The following EFR3B variants were observed in gnomAD, a reference collection of about 807,000 sequenced individuals.
EFR3B encodes the protein EFR3 homolog B.
EFR3B carries 64 observed loss-of-function variants against 104.7 expected under a neutral mutation model. That is an observed-to-expected ratio of 0.61 (90% CI 0.50 to 0.75). EFR3B has a LOEUF of 0.75. Ranked by LOEUF, EFR3B falls within the 30% of genes least tolerant of loss-of-function variation. EFR3B has a pLI of 0.00. For missense variants in EFR3B, 750 were observed against 1,078.5 expected (o/e 0.70, Z 4.27); for synonymous variants, 385 against 417.9 (o/e 0.92, Z 0.96).
At chr2:25,141,531 A>C in intron 17 of EFR3B, 98 bp downstream of exon 17, 2 of 1,325,798 alleles carry the variant, frequency 1.5e-6, no homozygotes, top group Non-Finnish European at 2.1e-6. Context: ...CAGGAGGCTC[A>C]GACTTCTGTG....
chr2:25,073,360 CTTTT>C (rs33951017), intron 1 of EFR3B, among the ~76,000 whole-genome samples: 1 of 140,898 alleles, frequency 7.1e-6, no homozygotes. Flanking sequence ...CTATTTAATA[CTTTT>C]TTTTTTTTTT....
chr2:25,112,969 G>A lies in EFR3B; in HGVS notation c.364-8704G>A, dbSNP rs533079928. Among the ~76,000 whole-genome samples, 495 of 134,366 alleles carry A rather than the reference G, an allele frequency of 3.7e-3. 3 individuals are homozygous for A. Among genetic ancestry groups the A allele is most frequent in the Non-Finnish European group, 6.8e-3 (386 of 56,492 alleles). 88.1% of individuals were successfully genotyped at this position (134,366 alleles called of 152,430 possible). A position where few individuals can be genotyped will look rare whatever the true frequency, so the allele number is the denominator to read the frequency against. ...GACCGGGAGAGAGCTGTTCCTGCAA[G>A]GCCAATCTTTGGAGCTTTTACTCTC... is the stretch of plus-strand genomic sequence containing the variant. On this transcript the variant is annotated intron_variant, in intron 4 of 22. Transcript: ENST00000403714.
rs1671243029 is a variant in EFR3B, at chr2:25,158,806, C to T, written c.*4466C>T. On this transcript the variant is annotated 3_prime_UTR_variant, in exon 23 of 23. Transcript: ENST00000403714. ...AGTTGTGAATCCACAAATGCTGTAG[C>T]CCATATCTCGTAATGTGTCTGTGTC... The T allele has an allele frequency of 6.6e-6, 1 of 152,248 alleles. No individual in the cohort carries two copies. The highest frequency in any genetic ancestry group is 1.5e-5 in the Non-Finnish European group (1 of 68,080). The allele number at this position is 152,248 out of a possible 1,614,324, so 9.4% of individuals were successfully genotyped here.
In EFR3B at chr2:25,136,608, C is replaced by T; in HGVS notation, c.1560+10C>T. ...CGTCTTCATGAAGAAGGTAAACAAG[C>T]ATGACCTCCAGGCACAGTGAAGGGC... On this transcript the variant is annotated intron_variant, in intron 14 of 22. Coordinates refer to ENST00000403714, the MANE Select transcript of EFR3B (RefSeq NM_014971.2). This position sits in a 1 kb window ranked among gnomAD's most constrained non-coding sequence, Gnocchi z 4.0. The T allele has an allele frequency of 1.3e-6, 2 of 1,550,388 alleles. No individual in the cohort carries two copies. Among genetic ancestry groups the T allele is most frequent in the Non-Finnish European group, 1.7e-6 (2 of 1,146,218 alleles).
chr2:25,069,968 A>G (rs1668449877), intron 1 of EFR3B, among the ~76,000 whole-genome samples: 1 of 152,160 alleles, frequency 6.6e-6, no homozygotes, highest in Non-Finnish European at 1.5e-5. Context: ...AAGTGCTGGG[A>G]TTACAGGCCT....
intron 4 of EFR3B, among the ~76,000 whole-genome samples, chr2:25,108,734 T>A (rs1300929539): frequency 6.6e-6 from 1 of 152,194 alleles, no homozygotes; most frequent in Non-Finnish European, 1.5e-5. Context: ...CACAGTGGCT[T>A]ATTCTTATAA....
At chr2:25,107,270 T>C (rs1669591752) in intron 4 of EFR3B, among the ~76,000 whole-genome samples, 1 of 152,162 alleles carries the variant, frequency 6.6e-6, no homozygotes, top group African/African-American at 2.4e-5. Flanking sequence ...ACCCCCGGCC[T>C]TGTGGGTGAG....
chr2:25,096,742 G>T (rs1402974391), intron 3 of EFR3B, among the ~76,000 whole-genome samples: 1 of 152,134 alleles, frequency 6.6e-6, no homozygotes, highest in African/African-American at 2.4e-5. Context: ...TGCCGTCCAA[G>T]GCCCCTTCCT....
intron 4 of EFR3B, among the ~76,000 whole-genome samples, chr2:25,104,011 A>T (rs1015301815): frequency 2.0e-5 from 3 of 151,448 alleles, no homozygotes; most frequent in Non-Finnish European, 4.4e-5. Context: ...ATAATAAAAT[A>T]ATTTTTAAAA....
chr2:25,129,222 G>A (rs13003881), intron 6 of EFR3B, among the ~76,000 whole-genome samples: 32,491 of 150,898 alleles, frequency 0.22, 4,025 homozygotes, highest in Admixed American at 0.38. Context: ...AAATGGAATG[G>A]GGAGAAAGGC....
chr2:25,144,843 G>A (rs1377657908), intron 18 of EFR3B, 117 bp from the exon 19 acceptor site: 2 of 778,634 alleles, frequency 2.6e-6, no homozygotes, highest in South Asian at 3.6e-5. Context: ...AGTGTGCACT[G>A]AGCCTTAGAG....
In EFR3B at chr2:25,132,821, G is replaced by A. The variant is rs867274694; in HGVS notation, c.1148-82G>A. 2.2e-5 allele frequency: 26 copies of A among 1,163,878 alleles called. No homozygotes were observed. The African/African-American group carries it at 2.6e-4, about 12-fold the overall frequency. The allele number at this position is 1,163,878 out of a possible 1,614,324, so 72.1% of individuals were successfully genotyped here. On this transcript the variant is annotated intron_variant, in intron 10 of 22. Coordinates refer to ENST00000403714, the MANE Select transcript of EFR3B (RefSeq NM_014971.2). ...TTGACTCCGGAGAGAGGCAGCCCTC[G>A]CTCTCTGCAGCTGAAAGGCTGAACC...
chr2:25,148,573 A>G (rs918973325), intron 19 of EFR3B, among the ~76,000 whole-genome samples: 23 of 150,852 alleles, frequency 1.5e-4, no homozygotes, highest in Non-Finnish European at 1.3e-4. Context: ...CTAACCTTCC[A>G]TTTCTTATCT....
At chr2:25,096,788 A>G (rs994984168) in intron 3 of EFR3B, among the ~76,000 whole-genome samples, 1 of 152,172 alleles carries the variant, frequency 6.6e-6, no homozygotes, top group African/African-American at 2.4e-5. Context: ...CTTGAACTAC[A>G]GTGAAATGTG....
chr2:25,131,755 A>G lies in EFR3B; in HGVS notation c.991A>G (p.Thr331Ala). The G allele has an allele frequency of 1.3e-6, 2 of 1,509,206 alleles. No homozygotes were observed. Among genetic ancestry groups the G allele is most frequent in the South Asian group, 2.6e-5 (2 of 78,130 alleles). 93.5% of individuals were successfully genotyped at this position (1,509,206 alleles called of 1,614,324 possible). Residue 331 changes from threonine (T) to alanine (A), a missense_variant, in exon 10 of 23, where the codon ACA becomes GCA. Physicochemically the swap from Thr to Ala is moderately conservative, Grantham distance 58 (BLOSUM62 0). Transcript: ENST00000403714. The surrounding 1 kb of genome is among the most constrained non-coding windows in gnomAD (Gnocchi z 7.6). The stretch of plus-strand genomic sequence containing the variant: ...TCCCGCCCCACCGCTCTCAGGGCCC[A>G]CAGTACTGGAGATGTTCAACACGCT... ...VIAATGSVGP[T>A]VLEMFNTLLR...
intron 4 of EFR3B, among the ~76,000 whole-genome samples, chr2:25,121,343 C>T (rs1305131810): frequency 6.6e-6 from 1 of 152,212 alleles, no homozygotes; most frequent in Non-Finnish European, 1.5e-5. Context: ...TCCTAACAGC[C>T]TCCCCGCCCC....
At position 25,097,194 on chromosome 2, in the gene EFR3B, TA is replaced by T. The variant is rs376052099; in HGVS notation, c.212+4065del. ...TGCCCTTACAACTGCAATTAAAATT[TA>T]GTACCATTCTGTTAAAAATAGCCAT... On this transcript the variant is annotated intron_variant, in intron 3 of 22. Coordinates refer to ENST00000403714, the MANE Select transcript of EFR3B (RefSeq NM_014971.2). Among the ~76,000 whole-genome samples the T allele has an allele frequency of 1.8e-3, 272 of 152,324 alleles. 3 individuals carry two copies. The highest frequency in any genetic ancestry group is 6.0e-3 in the African/African-American group (251 of 41,578).
In EFR3B at chr2:25,130,418, T is replaced by C; in HGVS notation, c.771-134T>C. 1.1e-6 allele frequency: 1 copy of C among 873,008 alleles called. No individual in the cohort carries two copies. Among genetic ancestry groups the C allele is most frequent in the South Asian group, 1.5e-5 (1 of 64,754 alleles). 54.1% of individuals were successfully genotyped at this position (873,008 alleles called of 1,614,324 possible). On this transcript the variant is annotated intron_variant, in intron 7 of 22. Transcript: ENST00000403714. The surrounding 1 kb of genome is among the most constrained non-coding windows in gnomAD (Gnocchi z 4.6). ...CTGGACTGGGACTACCCCAAGGCCC[T>C]TCAGGCTTCACTTCCTCACCCGGGA... is the stretch of plus-strand genomic sequence containing the variant.
intron 1 of EFR3B, among the ~76,000 whole-genome samples, chr2:25,078,229 G>A (rs1464314861): frequency 2.0e-5 from 3 of 152,166 alleles, no homozygotes; most frequent in Non-Finnish European, 2.9e-5. Context: ...CAAGTGCCTC[G>A]TGGGAGGCAC....
Sources: allele counts gnomAD v4.1 joint callset (sites outside exome capture counted in the v4.1 genomes callset), GRCh38; gene constraint gnomAD v4.1.1; non-coding constraint Gnocchi (gnomAD v3.1); transcripts MANE v1.5; gene names NCBI Gene and HGNC (gene_info 2026-07-23, HGNC 2026-07-21).